The following FANCC variants were observed in gnomAD, a reference collection of about 807,000 sequenced individuals.
FANCC encodes the protein FA complementation group C.
In FANCC, 55 loss-of-function variants were observed where a neutral mutation model predicts 71.3. The ratio of observed to expected loss-of-function variants is 0.77; its 90% CI spans 0.62 to 0.97. The LOEUF (loss-of-function observed/expected upper bound fraction) is 0.97. Among genes scored for constraint, FANCC ranks in the 50% least tolerant of loss-of-function variants. The probability of loss-of-function intolerance (pLI) is 0.00; values close to 1 mark genes in which losing one functional copy is unlikely to be tolerated. For missense variants in FANCC, 678 were observed against 670.9 expected (o/e 1.01, Z -0.12); for synonymous variants, 275 against 244.9 (o/e 1.12, Z -1.15).
chr9:95,165,440 T>C (rs952069304), intron 6 of FANCC, among the ~76,000 whole-genome samples: 1 of 151,998 alleles, frequency 6.6e-6, no homozygotes, highest in Admixed American at 6.6e-5. Context: ...ATAAACTTCC[T>C]GCTTAGAACT....
chr9:95,230,852 T>C (rs933682838), intron 4 of FANCC, among the ~76,000 whole-genome samples: 1 of 152,180 alleles, frequency 6.6e-6, no homozygotes, highest in African/African-American at 2.4e-5. Context: ...AGAGTGCTGA[T>C]TGGTCCATTT....
At chr9:95,231,119 G>A (rs146377851) in intron 4 of FANCC, among the ~76,000 whole-genome samples, 6 of 152,252 alleles carry the variant, frequency 3.9e-5, no homozygotes, top group Middle Eastern at 3.4e-3. Context: ...GTCTGATCTT[G>A]CATTAGGTTC....
intron 4 of FANCC, among the ~76,000 whole-genome samples, chr9:95,173,966 G>C (rs561303618): frequency 6.6e-6 from 1 of 152,256 alleles, no homozygotes; most frequent in African/African-American, 2.4e-5. Flanking sequence ...ACTAAATGAA[G>C]AAAGATGTAA....
At chr9:95,104,342 T>C (rs2071279255) in intron 14 of FANCC, among the ~76,000 whole-genome samples, 1 of 152,202 alleles carries the variant, frequency 6.6e-6, no homozygotes, top group Non-Finnish European at 1.5e-5. Context: ...ACAGAGTCAG[T>C]GCATGAGCGC....
intron 4 of FANCC, among the ~76,000 whole-genome samples, chr9:95,194,670 G>T (rs887718979): frequency 6.6e-6 from 1 of 151,180 alleles, no homozygotes; most frequent in African/African-American, 2.4e-5. Context: ...TCACCTTTTC[G>T]TGAAATAGTG....
intron 1 of FANCC, among the ~76,000 whole-genome samples, chr9:95,291,967 A>AAAAAAAAAATAT (rs1441757988): frequency 2.0e-5 from 1 of 50,412 alleles, no homozygotes; most frequent in South Asian, 8.5e-4. Flanking sequence ...AAAAAAAAAA[A>AAAAAAAAAATAT]ATATATATAT....
At chr9:95,153,892 A>G (rs1320215227) in intron 6 of FANCC, among the ~76,000 whole-genome samples, 1 of 152,178 alleles carries the variant, frequency 6.6e-6, no homozygotes, top group Admixed American at 6.5e-5. Context: ...TTCAACCCTA[A>G]TTAATTCTTT....
chr9:95,297,895 CTG>C (rs1402601215), intron 1 of FANCC, among the ~76,000 whole-genome samples: 1 of 152,152 alleles, frequency 6.6e-6, no homozygotes, highest in Non-Finnish European at 1.5e-5. Context: ...TTTACCAAGA[CTG>C]TCACCCTGCT....
intron 1 of FANCC, among the ~76,000 whole-genome samples, chr9:95,264,323 A>T (rs781137312): frequency 1.3e-5 from 2 of 152,196 alleles, no homozygotes; most frequent in Non-Finnish European, 1.5e-5. Flanking sequence ...ATAAATACAT[A>T]AAAAAAGCAA....
At chr9:95,118,001 G>A (rs2072565393) in intron 10 of FANCC, among the ~76,000 whole-genome samples, 1 of 149,412 alleles carries the variant, frequency 6.7e-6, no homozygotes, top group African/African-American at 2.5e-5. Flanking sequence ...GGATTACAGT[G>A]AGCCACCATG....
In FANCC at chr9:95,111,218, G is replaced by A. The variant is rs747536355; in HGVS notation, c.1329+245C>T. On this transcript the variant is annotated intron_variant, in intron 13 of 14. Transcript: ENST00000289081. Reference sequence around the variant, plus strand: ...AGATCAAATGACCTTGGGGAAGAAGGGTCTTCGTTTTGCAGGAGAATGGGC... The same window carrying A: ...AGATCAAATGACCTTGGGGAAGAAGAGTCTTCGTTTTGCAGGAGAATGGGC... The A allele has an allele frequency of 2.6e-6, 4 of 1,536,358 alleles. No homozygotes were observed. The African/African-American group carries it at 4.1e-5, about 16-fold the overall frequency.
chr9:95,234,088 G>T (rs1223295927), intron 4 of FANCC, among the ~76,000 whole-genome samples: 2 of 152,204 alleles, frequency 1.3e-5, no homozygotes, highest in Non-Finnish European at 1.5e-5. Flanking sequence ...TCCCTGCAAA[G>T]AAGTCAGAGA....
At chr9:95,241,189 G>A (rs1830606697) in intron 3 of FANCC, among the ~76,000 whole-genome samples, 1 of 152,230 alleles carries the variant, frequency 6.6e-6, no homozygotes, top group South Asian at 2.1e-4. Context: ...GTTATAGGCA[G>A]TTGGTAGCCA....
At chr9:95,289,085 GA>G (rs963904545) in intron 1 of FANCC, among the ~76,000 whole-genome samples, 1 of 152,112 alleles carries the variant, frequency 6.6e-6, no homozygotes, top group Non-Finnish European at 1.5e-5. Flanking sequence ...CTAGACAAAA[GA>G]GCAAGACCCT....
intron 7 of FANCC, among the ~76,000 whole-genome samples, chr9:95,140,984 T>A (rs1828566348): frequency 6.6e-6 from 1 of 151,978 alleles, no homozygotes; most frequent in Non-Finnish European, 1.5e-5. Flanking sequence ...TTTCTGTGAC[T>A]CAATTTGTGA....
At chr9:95,309,801 T>C (rs1269633095) in intron 1 of FANCC, among the ~76,000 whole-genome samples, 1 of 152,184 alleles carries the variant, frequency 6.6e-6, no homozygotes, top group Non-Finnish European at 1.5e-5. Flanking sequence ...GGTGTTGTTC[T>C]GCTCCACAGT....
chr9:95,151,241 G>C (rs1467424835), intron 6 of FANCC, among the ~76,000 whole-genome samples: 1 of 152,128 alleles, frequency 6.6e-6, no homozygotes, highest in African/African-American at 2.4e-5. Flanking sequence ...ATGGCAGGCA[G>C]CTTCTCCTAC....
At chr9:95,244,860 A>T (rs1830865811) in intron 3 of FANCC, among the ~76,000 whole-genome samples, 1 of 152,068 alleles carries the variant, frequency 6.6e-6, no homozygotes, top group African/African-American at 2.4e-5. Flanking sequence ...AAGTCACATG[A>T]GGAGTGGGGT....
chr9:95,229,634 G>C (rs977020400), intron 4 of FANCC, among the ~76,000 whole-genome samples: 1 of 152,152 alleles, frequency 6.6e-6, no homozygotes, highest in Non-Finnish European at 1.5e-5. Context: ...AATTAATCTG[G>C]AACATGTTTA....
Sources: gnomAD v4.1 joint callset for allele counts (sites outside exome capture counted in the v4.1 genomes callset) on GRCh38, gnomAD v4.1.1 for gene constraint, MANE v1.5 for transcripts, NCBI Gene and HGNC (gene_info 2026-07-23, HGNC 2026-07-21) for gene names.